RELB: variants seen among roughly 807,000 people sequenced by gnomAD.
RELB encodes transcription factor RelB.
RELB carries 14 observed loss-of-function variants against 55.4 expected under a neutral mutation model. That is an observed-to-expected ratio of 0.25 (90% CI 0.17 to 0.40). The LOEUF is 0.40. Ranked by LOEUF, RELB falls within the 10% of genes least tolerant of loss-of-function variation. RELB has a pLI of 1.00. For synonymous variants in RELB, 409 were observed against 371.3 expected, an observed-to-expected ratio of 1.10 and a Z score of -1.17; for missense variants, 669 against 830.7, an observed-to-expected ratio of 0.81 and a Z score of 2.39.
intron 11 of RELB, among the ~76,000 whole-genome samples, chr19:45,037,062 T>C (rs574873252): frequency 6.6e-6 from 1 of 152,220 alleles, no homozygotes; most frequent in South Asian, 2.1e-4. Flanking sequence ...GTGGATCACC[T>C]GAGGTCAGGA....
At chr19:45,031,134 T>C (rs1231591294) in intron 8 of RELB, among the ~76,000 whole-genome samples, 2 of 151,746 alleles carry the variant, frequency 1.3e-5, no homozygotes, top group East Asian at 3.9e-4. Context: ...GCAGGCAGAG[T>C]AGCATCATGA....
Position 45,001,697 on chromosome 19 carries a change from T to A in RELB, c.106+12T>A. ...GCTGGGGGCCTTAGGTAAGCGGGGCTGGGGTTCAGGAGAGGGGTCTGGGGC... is the reference window on the plus strand; with the variant it reads ...GCTGGGGGCCTTAGGTAAGCGGGGCAGGGGTTCAGGAGAGGGGTCTGGGGC... On this transcript the variant is annotated intron_variant, in intron 1 of 11. Coordinates refer to ENST00000221452, the MANE Select transcript of RELB (RefSeq NM_006509.4). 2 of 1,481,698 alleles carry A rather than the reference T, an allele frequency of 1.3e-6. No individual in the cohort carries two copies. Among genetic ancestry groups the A allele is most frequent in the Non-Finnish European group, 1.8e-6 (2 of 1,109,940 alleles). The allele number at this position is 1,481,698 out of a possible 1,614,324, so 91.8% of individuals were successfully genotyped here. A position where few individuals can be genotyped will look rare whatever the true frequency, so the allele number is the denominator to read the frequency against.
At position 45,023,740 on chromosome 19, in the gene RELB, C is replaced by CTTTT. The variant is rs1168078618; in HGVS notation, c.662+1555_662+1558dup. Among the ~76,000 whole-genome samples, 13 of 38,364 alleles carry CTTTT rather than the reference C, an allele frequency of 3.4e-4. 2 individuals carry two copies. Among genetic ancestry groups the CTTTT allele is most frequent in the Non-Finnish European group, 4.6e-4 (10 of 21,682 alleles). The allele number at this position is 38,364 out of a possible 152,430, so 25.2% of individuals were successfully genotyped here. On this transcript the variant is annotated intron_variant, in intron 5 of 11. Transcript: ENST00000221452. ...GGTGTGAGCCCACTGTGCCCAGCCT[C>CTTTT]TTTTTTTTTTTTTTTTTTTTTTTTT...
At chr19:45,031,103 G>C (rs1971615680) in intron 8 of RELB, among the ~76,000 whole-genome samples, 1 of 152,168 alleles carries the variant, frequency 6.6e-6, no homozygotes, top group African/African-American at 2.4e-5. Flanking sequence ...GGGCGATGCA[G>C]TAAGACAAGA....
chr19:45,025,225 G>T, intron 5 of RELB, 104 bp from the exon 6 acceptor site: 1 of 774,944 alleles, frequency 1.3e-6, no homozygotes, highest in South Asian at 1.6e-5. Context: ...GTCAGCCCCT[G>T]AGAGCCTGAG....
chr19:45,028,664 G>C (rs757517927), intron 7 of RELB, among the ~76,000 whole-genome samples: 4 of 152,070 alleles, frequency 2.6e-5, no homozygotes, highest in African/African-American at 9.7e-5. Flanking sequence ...GACACTCACC[G>C]GGCTTCAGCT....
chr19:45,034,366 A>G (rs1971662220), intron 10 of RELB, 54 bp downstream of exon 10: 1 of 1,604,556 alleles, frequency 6.2e-7, no homozygotes, highest in Non-Finnish European at 8.5e-7. Flanking sequence ...GGGAGGGGAC[A>G]GCTGACCCCA....
chr19:45,031,819 G>A (rs973904912), intron 8 of RELB, among the ~76,000 whole-genome samples: 3 of 151,238 alleles, frequency 2.0e-5, no homozygotes, highest in African/African-American at 7.3e-5. Flanking sequence ...CTCGTGATCC[G>A]CCTGCCTCGG....
intron 4 of RELB, among the ~76,000 whole-genome samples, chr19:45,018,507 G>A (rs555676953): frequency 1.1e-3 from 170 of 150,792 alleles, no homozygotes; most frequent in African/African-American, 4.1e-3. Flanking sequence ...GCTTGAACCT[G>A]GGAGGCAGGG....
intron 1 of RELB, among the ~76,000 whole-genome samples, chr19:45,001,952 A>C (rs1971216844): frequency 6.8e-6 from 1 of 147,716 alleles, no homozygotes; most frequent in Non-Finnish European, 1.5e-5. Flanking sequence ...GCGTGGCCTG[A>C]CTCAGAGAAG....
chr19:45,002,820 G>C (rs1381096703), intron 1 of RELB, 129 bp from the exon 2 acceptor site: 1 of 683,824 alleles, frequency 1.5e-6, no homozygotes, highest in East Asian at 2.9e-5. Context: ...ACGCAGGGGG[G>C]CAGTCAGGGC....
chr19:45,026,207 G>A (rs986595437), intron 7 of RELB, among the ~76,000 whole-genome samples: 8 of 151,198 alleles, frequency 5.3e-5, no homozygotes, highest in South Asian at 2.1e-4. Context: ...GCGTCACTGC[G>A]CTCCAGCCTG....
intron 4 of RELB, among the ~76,000 whole-genome samples, chr19:45,019,772 G>T (rs1195456749): frequency 6.6e-6 from 1 of 152,090 alleles, no homozygotes; most frequent in Non-Finnish European, 1.5e-5. Flanking sequence ...CCATCTCCAG[G>T]GTTCAAGTGA....
chr19:45,011,787 T>TGAGAGAGA (rs1568398155), intron 3 of RELB, 149 bp from the exon 4 acceptor site: 2 of 333,996 alleles, frequency 6.0e-6, no homozygotes, highest in African/African-American at 1.0e-4. Flanking sequence ...TGTGTGTGTG[T>TGAGAGAGA]GTGTGTGTGT....
intron 7 of RELB, 81 bp downstream of exon 7, chr19:45,025,818 C>T (rs1369455678): frequency 1.0e-5 from 16 of 1,559,934 alleles, no homozygotes; most frequent in Non-Finnish European, 1.3e-5. Context: ...GCATGAATGG[C>T]TCAGGCGCTG....
intron 2 of RELB, 78 bp downstream of exon 2, chr19:45,003,074 T>C (rs1971234514): frequency 5.7e-6 from 8 of 1,395,780 alleles, no homozygotes; most frequent in East Asian, 4.9e-5. Flanking sequence ...ATGTCTCTGT[T>C]TGGGGGTTCA....
chr19:45,037,815 C>A lies in RELB; in HGVS notation c.*25C>A. The A allele has an allele frequency of 2.0e-6, 3 of 1,475,678 alleles. No individual in the cohort carries two copies. The South Asian group carries it at 4.2e-5, about 21-fold the overall frequency. The allele number at this position is 1,475,678 out of a possible 1,614,324, so 91.4% of individuals were successfully genotyped here. A position where few individuals can be genotyped will look rare whatever the true frequency, so the allele number is the denominator to read the frequency against. Reference sequence around the variant, plus strand: ...GCCCCGCGATGCCAGAGGAGGGGCACTGGGTGGGGAGGGAGGTGGAGGAGC... The same window carrying A: ...GCCCCGCGATGCCAGAGGAGGGGCAATGGGTGGGGAGGGAGGTGGAGGAGC... On this transcript the variant is annotated 3_prime_UTR_variant, in exon 12 of 12. Transcript: ENST00000221452.
intron 4 of RELB, among the ~76,000 whole-genome samples, chr19:45,013,140 C>T (rs889559476): frequency 1.3e-5 from 2 of 151,830 alleles, no homozygotes; most frequent in African/African-American, 4.8e-5. Context: ...TAATAAGGTA[C>T]AGGTAAGTTT....
chr19:45,008,954 A>G (rs1971316313), intron 2 of RELB, among the ~76,000 whole-genome samples: 1 of 152,146 alleles, frequency 6.6e-6, no homozygotes, highest in Non-Finnish European at 1.5e-5. Flanking sequence ...ACCCAGCATT[A>G]CTGTACCTCC....
Sources: allele counts gnomAD v4.1 joint callset (sites outside exome capture counted in the v4.1 genomes callset), GRCh38; gene constraint gnomAD v4.1.1; transcripts MANE v1.5; gene names NCBI Gene and HGNC (gene_info 2026-07-23, HGNC 2026-07-21).